Variants in GKAP1 observed in about 807,000 individuals in gnomAD.
The protein encoded by GKAP1 is G kinase-anchoring protein 1.
Under a neutral mutation model 56.7 loss-of-function variants are expected in GKAP1, and 31 were observed. The observed-to-expected ratio is 0.55, with a 90% CI of 0.41 to 0.74. The LOEUF (loss-of-function observed/expected upper bound fraction) is 0.74, where lower values mean the gene tolerates loss of function less well. Ranked by LOEUF, GKAP1 falls within the 30% of genes least tolerant of loss-of-function variation. The pLI, the probability that GKAP1 is intolerant of heterozygous loss-of-function variation, is 0.00. For synonymous variants in GKAP1, 151 were observed against 138.6 expected (o/e 1.09, Z -0.63); for missense variants, 364 against 402.3 (o/e 0.90, Z 0.82).
At chr9:83,791,995 A>T (rs1423385362) in intron 4 of GKAP1, among the ~76,000 whole-genome samples, 1 of 152,232 alleles carries the variant, frequency 6.6e-6, no homozygotes, top group Non-Finnish European at 1.5e-5. Context: ...ACAAAAAGTG[A>T]ATTTTAAACA....
intron 8 of GKAP1, among the ~76,000 whole-genome samples, chr9:83,757,623 A>G (rs1253650192): frequency 6.6e-6 from 1 of 152,200 alleles, no homozygotes; most frequent in African/African-American, 2.4e-5. Flanking sequence ...GCATGGCATG[A>G]TGGCAGTAAT....
intron 8 of GKAP1, among the ~76,000 whole-genome samples, chr9:83,759,394 G>A (rs1428781121): frequency 6.6e-6 from 1 of 151,956 alleles, no homozygotes; most frequent in African/African-American, 2.4e-5. Context: ...CTGAGTAGCT[G>A]AGACTACAGA....
chr9:83,742,796 A>C (rs1327944984), intron 10 of GKAP1, among the ~76,000 whole-genome samples, 196 bp from the exon 11 acceptor site: 4 of 152,178 alleles, frequency 2.6e-5, no homozygotes, highest in Non-Finnish European at 4.4e-5. Flanking sequence ...TTACATTTTC[A>C]CCAGTAAATT....
chr9:83,779,415 T>C (rs1359326217), intron 7 of GKAP1, among the ~76,000 whole-genome samples: 1 of 136,104 alleles, frequency 7.3e-6, no homozygotes, highest in Non-Finnish European at 1.6e-5. Flanking sequence ...AACAAAAAAA[T>C]GGTCAGAAGC....
intron 8 of GKAP1, among the ~76,000 whole-genome samples, chr9:83,766,311 C>T (rs1943662761): frequency 6.6e-6 from 1 of 152,080 alleles, no homozygotes; most frequent in Non-Finnish European, 1.5e-5. Context: ...GATAAATTAC[C>T]CAGTCTTGGG....
chr9:83,783,943 A>G (rs1450814181), intron 6 of GKAP1, among the ~76,000 whole-genome samples: 1 of 152,222 alleles, frequency 6.6e-6, no homozygotes, highest in Admixed American at 6.5e-5. Context: ...ATTTCCAAAC[A>G]GTTTTGTCCC....
rs1244727896 is a variant in GKAP1, at chr9:83,739,440, A to C, written c.*257T>G. On this transcript the variant is annotated 3_prime_UTR_variant, in exon 13 of 13. Transcript: ENST00000376371. ...AACATATTAGTGGAAGAGTAAATTA[A>C]TTTTATTGACTGATGAAAAACTAAA... is the stretch of plus-strand genomic sequence containing the variant. 1 of 334,832 alleles carries C rather than the reference A, an allele frequency of 3.0e-6. No individual in the cohort carries two copies. Among genetic ancestry groups the C allele is most frequent in the Non-Finnish European group, 5.4e-6 (1 of 186,730 alleles). The allele number at this position is 334,832 out of a possible 1,614,324, so 20.7% of individuals were successfully genotyped here. A position where few individuals can be genotyped will look rare whatever the true frequency, so the allele number is the denominator to read the frequency against.
At chr9:83,777,529 A>T (rs1004948513) in intron 7 of GKAP1, among the ~76,000 whole-genome samples, 1 of 152,220 alleles carries the variant, frequency 6.6e-6, no homozygotes, top group African/African-American at 2.4e-5. Flanking sequence ...AATGAAATTA[A>T]CCTGAGAACA....
intron 10 of GKAP1, among the ~76,000 whole-genome samples, chr9:83,747,152 C>T (rs1413118019): frequency 6.6e-6 from 1 of 152,126 alleles, no homozygotes; most frequent in Non-Finnish European, 1.5e-5. Flanking sequence ...AAGTCTCATA[C>T]TAAAAAATTA....
intron 9 of GKAP1, among the ~76,000 whole-genome samples, chr9:83,751,650 C>T (rs762032991): frequency 2.7e-4 from 41 of 150,566 alleles, no homozygotes; most frequent in Non-Finnish European, 4.6e-4. Context: ...ATACACAGGG[C>T]GCAAAAAGTA....
At chr9:83,757,172 A>G (rs1943491619) in intron 8 of GKAP1, among the ~76,000 whole-genome samples, 1 of 152,170 alleles carries the variant, frequency 6.6e-6, no homozygotes, top group Non-Finnish European at 1.5e-5. Context: ...TGGCTGGGGC[A>G]GTGAGAGAGA....
At chr9:83,802,660 C>T (rs1944350404) in intron 3 of GKAP1, among the ~76,000 whole-genome samples, 2 of 151,668 alleles carry the variant, frequency 1.3e-5, no homozygotes, top group South Asian at 4.2e-4. Context: ...GTGACCCTGT[C>T]TCTACAAAAA....
intron 5 of GKAP1, among the ~76,000 whole-genome samples, chr9:83,786,858 C>T (rs1944072914): frequency 6.6e-6 from 1 of 152,160 alleles, no homozygotes; most frequent in African/African-American, 2.4e-5. Context: ...TATTTCTCCT[C>T]TAAGGATACA....
intron 2 of GKAP1, among the ~76,000 whole-genome samples, chr9:83,812,259 GTATATATACACA>G (rs1265397086): frequency 9.0e-4 from 128 of 141,910 alleles, no homozygotes; most frequent in African/African-American, 2.5e-3. Flanking sequence ...ATATGTATAC[GTATATATACACA>G]TATATATACA....
chr9:83,778,727 T>C (rs7042197), intron 7 of GKAP1, among the ~76,000 whole-genome samples: 86,826 of 151,924 alleles, frequency 0.57, 25,456 homozygotes, highest in Admixed American at 0.7. Flanking sequence ...ATAAAGATAA[T>C]GTGAATTACA....
At chr9:83,767,335 T>C (rs142610970) in intron 8 of GKAP1, among the ~76,000 whole-genome samples, 2 of 152,228 alleles carry the variant, frequency 1.3e-5, no homozygotes, top group East Asian at 1.9e-4. Context: ...TCTTAGACTT[T>C]ATGGGTTTTA....
Position 83,800,557 on chromosome 9 carries a change from C to T in GKAP1, c.217-1229G>A, listed in dbSNP as rs188005785. On this transcript the variant is annotated intron_variant, in intron 3 of 12. Transcript: ENST00000376371. ...CCATGTTGGCCAGGCTGGTCTTGAA[C>T]TCCTGACCTCAGGTGATCCCACCCA... Among the ~76,000 whole-genome samples, 492 of 152,266 alleles carry T rather than the reference C, an allele frequency of 3.2e-3. 1 individual carries two copies. The highest frequency in any genetic ancestry group is 6.1e-3 in the Admixed American group (93 of 15,292).
intron 8 of GKAP1, among the ~76,000 whole-genome samples, chr9:83,761,300 T>TA (rs1296958014): frequency 6.6e-6 from 1 of 152,080 alleles, no homozygotes; most frequent in African/African-American, 2.4e-5. Context: ...TGAGCAACTA[T>TA]ATGCCAATAA....
intron 8 of GKAP1, among the ~76,000 whole-genome samples, chr9:83,758,405 G>C (rs1943512114): frequency 6.6e-6 from 1 of 152,038 alleles, no homozygotes; most frequent in Non-Finnish European, 1.5e-5. Flanking sequence ...AAATACCTAT[G>C]CATCTAGGCA....
Sources: gnomAD v4.1 joint callset for allele counts (sites outside exome capture counted in the v4.1 genomes callset) on GRCh38, gnomAD v4.1.1 for gene constraint, MANE v1.5 for transcripts, NCBI Gene and HGNC (gene_info 2026-07-23, HGNC 2026-07-21) for gene names.